NUP205: variants seen among roughly 807,000 people sequenced by gnomAD.
NUP205 encodes the protein nuclear pore complex protein Nup205.
In NUP205, 76 loss-of-function variants were observed where a neutral mutation model predicts 253.8. The observed-to-expected ratio is 0.30, with a 90% CI of 0.25 to 0.36. The LOEUF (loss-of-function observed/expected upper bound fraction) is 0.36. Among genes scored for constraint, NUP205 ranks in the 10% least tolerant of loss-of-function variants. NUP205 has a pLI of 1.00. For missense variants in NUP205, 2,162 were observed against 2,425.5 expected (o/e 0.89, Z 2.28); for synonymous variants, 832 against 850.1 (o/e 0.98, Z 0.37).
At chr7:135,626,475 GT>G in intron 33 of NUP205, 114 bp downstream of exon 33, 21 of 1,176,130 alleles carry the variant, frequency 1.8e-5, no homozygotes, top group Non-Finnish European at 2.2e-5. Context: ...CTTGGTGTGG[GT>G]TTTTTTGGTC....
In NUP205 at chr7:135,635,624, A is replaced by C. The variant is rs760001576; in HGVS notation, c.5103A>C (p.Leu1701=). Residue 1701 remains leucine (L), a synonymous_variant, in exon 36 of 43, where the codon CTA becomes CTC. Transcript: ENST00000285968. ...ACGTTGATGTAAATGAAGGGTCTCT[A>C]ATGGAGCTACAGGGACATATTGGAA... The part of the protein sequence containing the change: ...ELDVDVNEGS[L]MELQGHIGRF... The C allele has an allele frequency of 1.1e-5, 18 of 1,595,624 alleles. No homozygotes were observed. Among genetic ancestry groups the C allele is most frequent in the Non-Finnish European group, 1.3e-5 (15 of 1,165,428 alleles).
intron 7 of NUP205, 72 bp downstream of exon 7, chr7:135,578,987 AT>A: frequency 8.1e-7 from 1 of 1,239,020 alleles, no homozygotes; most frequent in Non-Finnish European, 1.1e-6. Context: ...TGGAAGGAGT[AT>A]TATCTTTGAC....
intron 22 of NUP205, among the ~76,000 whole-genome samples, chr7:135,610,154 A>G (rs1327242051): frequency 6.6e-6 from 1 of 152,336 alleles, no homozygotes; most frequent in East Asian, 1.9e-4. Flanking sequence ...AACTTTTAGA[A>G]CACTCTACTA....
At position 135,583,052 on chromosome 7, in the gene NUP205, T is replaced by C. The variant is rs937315578; in HGVS notation, c.1043-1780T>C. 2.0e-5 allele frequency among the ~76,000 whole-genome samples: 3 copies of C among 152,266 alleles called. No homozygotes were observed. In the South Asian group the frequency reaches 6.2e-4, roughly 32 times the overall value. On this transcript the variant is annotated intron_variant, in intron 7 of 42. Coordinates refer to ENST00000285968, the MANE Select transcript of NUP205 (RefSeq NM_015135.3). ...TTGCAGTGAGTTGAGATCGTGCCAC[T>C]GCACTCCAGTCTCGGCGACAGAGCG...
rs372398905 is a variant in NUP205, at chr7:135,638,414, G to GA, written c.5266-125dup. 42,708 of 461,344 alleles carry GA rather than the reference G, an allele frequency of 0.093. 429 individuals carry two copies. The highest frequency in any genetic ancestry group is 0.18 in the African/African-American group (6,053 of 34,290). The allele number at this position is 461,344 out of a possible 1,614,324, so 28.6% of individuals were successfully genotyped here. On this transcript the variant is annotated intron_variant, in intron 37 of 42. Coordinates refer to ENST00000285968, the MANE Select transcript of NUP205 (RefSeq NM_015135.3). ...TGGGCAACAGAGGGAGACTCCATCT[G>GA]AAAAAAAAAAAAAAAAAAGAATACA...
At chr7:135,624,798 T>C (rs904821066) in intron 31 of NUP205, among the ~76,000 whole-genome samples, 2 of 152,218 alleles carry the variant, frequency 1.3e-5, no homozygotes, top group Admixed American at 1.3e-4. Context: ...TATTTTTCTG[T>C]GTTTTCTGTA....
intron 23 of NUP205, among the ~76,000 whole-genome samples, chr7:135,615,341 A>G (rs1347100286): frequency 6.6e-6 from 1 of 152,148 alleles, no homozygotes; most frequent in African/African-American, 2.4e-5. Flanking sequence ...CAGGAGGAAC[A>G]CTGAGGCAAG....
At chr7:135,568,247 C>T in intron 1 of NUP205, among the ~76,000 whole-genome samples, 1 of 151,114 alleles carries the variant, frequency 6.6e-6, no homozygotes, top group Non-Finnish European at 1.5e-5. Flanking sequence ...AAGATAAAAT[C>T]AATTTAGTGG....
At chr7:135,625,439 T>G in intron 32 of NUP205, 84 bp downstream of exon 32, 1 of 1,019,110 alleles carries the variant, frequency 9.8e-7, no homozygotes, top group Non-Finnish European at 1.4e-6. Flanking sequence ...TAATGTGGCA[T>G]ACATTCTGAA....
rs151066703 is a variant in NUP205, at chr7:135,578,576, T to C, written c.878-175T>C. Among the ~76,000 whole-genome samples the C allele has an allele frequency of 1.7e-4, 26 of 152,378 alleles. No individual in the cohort carries two copies. In the East Asian group the frequency reaches 4.2e-3, roughly 25 times the overall value. ...TATTGTCATTTTCTTTTTTTGTTTTTAGTATGTGTACAATCAACAGTAGTG... is the reference window on the plus strand; with the variant it reads ...TATTGTCATTTTCTTTTTTTGTTTTCAGTATGTGTACAATCAACAGTAGTG... On this transcript the variant is annotated intron_variant, in intron 6 of 42. Coordinates refer to ENST00000285968, the MANE Select transcript of NUP205 (RefSeq NM_015135.3).
At chr7:135,603,111 A>ATTT in intron 18 of NUP205, 117 bp downstream of exon 18, 1 of 485,920 alleles carries the variant, frequency 2.1e-6, no homozygotes, top group South Asian at 3.8e-5. Flanking sequence ...GCCTCATTTT[A>ATTT]CTTTTTTTTT....
intron 38 of NUP205, 109 bp from the exon 39 acceptor site, chr7:135,643,083 G>A (rs1794943920): frequency 1.9e-6 from 2 of 1,041,530 alleles, no homozygotes; most frequent in African/African-American, 3.2e-5. Context: ...TTAATGACAG[G>A]TTACATGTCC....
chr7:135,645,775 G>A (rs1406302454), intron 41 of NUP205, 179 bp downstream of exon 41: 7 of 629,686 alleles, frequency 1.1e-5, no homozygotes, highest in Non-Finnish European at 1.9e-5. Context: ...ACGGGACATT[G>A]TGCTGAGCAT....
intron 7 of NUP205, 92 bp downstream of exon 7, chr7:135,579,007 GC>G (rs1806229755): frequency 8.4e-6 from 8 of 954,426 alleles, no homozygotes; most frequent in Non-Finnish European, 1.1e-5. Context: ...ACATACATAA[GC>G]ATAAGCATAG....
chr7:135,594,502 A>C, intron 12 of NUP205, 45 bp from the exon 13 acceptor site: 1 of 1,462,540 alleles, frequency 6.8e-7, no homozygotes, highest in Non-Finnish European at 9.3e-7. Context: ...CATTTTAATA[A>C]CTTTTAAAAA....
intron 7 of NUP205, among the ~76,000 whole-genome samples, chr7:135,582,544 G>T (rs1023666308): frequency 1.3e-5 from 2 of 152,086 alleles, no homozygotes; most frequent in Non-Finnish European, 2.9e-5. Flanking sequence ...GGAGTGCAGT[G>T]GTGTGACCAT....
chr7:135,627,852 T>C, intron 33 of NUP205, 121 bp from the exon 34 acceptor site: 1 of 906,362 alleles, frequency 1.1e-6, no homozygotes, highest in African/African-American at 1.6e-5. Flanking sequence ...TGCAGAGTAC[T>C]CACTAGTTGA....
intron 37 of NUP205, 140 bp from the exon 38 acceptor site, chr7:135,638,417 A>T: frequency 1.6e-6 from 1 of 627,018 alleles, no homozygotes; most frequent in African/African-American, 1.9e-5. Flanking sequence ...TCCATCTGAA[A>T]AAAAAAAAAA....
chr7:135,648,674 TATG>T lies in NUP205; in HGVS notation c.*119_*121del. ...ATATTTTGCTATTTCTTTCTTTGTA[TATG>T]GACATCTTTTCTGTAAACTTCTTCC... On this transcript the variant is annotated 3_prime_UTR_variant, in exon 43 of 43. Coordinates refer to ENST00000285968, the MANE Select transcript of NUP205 (RefSeq NM_015135.3). The T allele has an allele frequency of 1.4e-6, 1 of 709,680 alleles. No individual in the cohort carries two copies. The highest frequency in any genetic ancestry group is 2.1e-6 in the Non-Finnish European group (1 of 484,310). The allele number at this position is 709,680 out of a possible 1,614,324, so 44.0% of individuals were successfully genotyped here. A position where few individuals can be genotyped will look rare whatever the true frequency, so the allele number is the denominator to read the frequency against.
Sources: gnomAD v4.1 joint callset for allele counts (sites outside exome capture counted in the v4.1 genomes callset) on GRCh38, gnomAD v4.1.1 for gene constraint, MANE v1.5 for transcripts, NCBI Gene and HGNC (gene_info 2026-07-23, HGNC 2026-07-21) for gene names.